The following GJC1 variants were observed in gnomAD, a reference collection of about 807,000 sequenced individuals.
GJC1 encodes the protein gap junction gamma-1 protein.
GJC1 carries 5 observed loss-of-function variants against 29.3 expected under a neutral mutation model. The ratio of observed to expected loss-of-function variants is 0.17; its 90% CI spans 0.09 to 0.36. The LOEUF (loss-of-function observed/expected upper bound fraction) is 0.36. GJC1 is among the 10% of genes least tolerant of loss of function. The pLI is 1.00. For synonymous variants in GJC1, 177 were observed against 183.3 expected (o/e 0.97, Z 0.28); for missense variants, 310 against 496.2 (o/e 0.62, Z 3.56).
At chr17:44,810,605 A>T (rs901307534) in intron 1 of GJC1, among the ~76,000 whole-genome samples, 1 of 152,108 alleles carries the variant, frequency 6.6e-6, no homozygotes, top group Admixed American at 6.6e-5. Context: ...TCTTGACCAC[A>T]AAATGTTGAG....
At chr17:44,824,618 G>A (rs945289643) in intron 1 of GJC1, among the ~76,000 whole-genome samples, 1 of 151,770 alleles carries the variant, frequency 6.6e-6, no homozygotes, top group Non-Finnish European at 1.5e-5. Context: ...ACACAGTGAG[G>A]CTCTGTCTCA....
downstream of GJC1, among the ~76,000 whole-genome samples, chr17:44,796,190 G>A (rs2049782375): frequency 6.6e-6 from 1 of 152,204 alleles, no homozygotes; most frequent in Non-Finnish European, 1.5e-5. Context: ...TAGGTCCGTG[G>A]GGGTGGAGCC....
downstream of GJC1, among the ~76,000 whole-genome samples, chr17:44,796,840 T>C (rs1266027485): frequency 1.3e-5 from 2 of 150,338 alleles, no homozygotes; most frequent in African/African-American, 4.9e-5. Context: ...CACACACACG[T>C]ATATATATAG....
intron 2 of GJC1, among the ~76,000 whole-genome samples, chr17:44,807,128 T>C (rs2049921807): frequency 6.6e-6 from 1 of 152,216 alleles, no homozygotes; most frequent in Admixed American, 6.6e-5. Flanking sequence ...AAATGATTGC[T>C]AAACTGAACT....
At chr17:44,829,024 T>C (rs1246340500) in intron 1 of GJC1, among the ~76,000 whole-genome samples, 1 of 150,994 alleles carries the variant, frequency 6.6e-6, no homozygotes, top group Non-Finnish European at 1.5e-5. Context: ...GACACAAACA[T>C]ATAACAAATT....
intron 1 of GJC1, among the ~76,000 whole-genome samples, chr17:44,814,240 A>G (rs917252658): frequency 6.6e-6 from 1 of 151,942 alleles, no homozygotes; most frequent in Non-Finnish European, 1.5e-5. Flanking sequence ...TCCCAGGTTC[A>G]TGCCATTCTC....
chr17:44,805,538 A>G lies in GJC1; in HGVS notation c.280T>C (p.Tyr94His). ...VATPSVMYLG[Y>H]AIHKIAKMEH... Reference sequence around the variant, plus strand: ...ATTTTGGCAATCTTGTGGATAGCATAGCCCAGGTACATCACAGAGGGAGTT... The same window carrying G: ...ATTTTGGCAATCTTGTGGATAGCATGGCCCAGGTACATCACAGAGGGAGTT... The change falls in exon 3 of 3, where the codon TAT becomes CAT. Residue 94 changes from tyrosine (Y) to histidine (H), a missense_variant. Physicochemically the swap from Tyr to His is moderately conservative, Grantham distance 83. This residue lies in a region of GJC1 where 82 missense variants were observed against 100.7 expected (regional missense o/e 0.81). Coordinates refer to ENST00000592524, the MANE Select transcript of GJC1 (RefSeq NM_005497.4). The surrounding 1 kb of genome is among the most constrained non-coding windows in gnomAD (Gnocchi z 5.1). 3 of 1,614,216 alleles carry G rather than the reference A, an allele frequency of 1.9e-6. No individual in the cohort carries two copies.
intron 1 of GJC1, among the ~76,000 whole-genome samples, chr17:44,821,714 A>C (rs1457020330): frequency 1.1e-4 from 16 of 148,834 alleles, no homozygotes; most frequent in African/African-American, 1.5e-4. Context: ...AAAAAAAAAA[A>C]AAAAAAAAAA....
intron 1 of GJC1, among the ~76,000 whole-genome samples, chr17:44,809,035 G>A (rs2049944210): frequency 6.6e-6 from 1 of 152,152 alleles, no homozygotes; most frequent in Non-Finnish European, 1.5e-5. Context: ...AGCTGAGATT[G>A]TGCCATTGCA....
rs1421352585 is a variant in GJC1, at chr17:44,805,806, G to A, written c.12C>T (p.Ser4=). ...TCTCCTCTAGCAGGCGAGTCAGGAA[G>A]CTCCAACTCATGGTGATTGAATTGG... MSW[S]FLTRLLEEIH... is the part of the protein sequence containing the mutation. Residue 4 remains serine, a synonymous_variant, in exon 3 of 3, where the codon AGC becomes AGT. Transcript: ENST00000592524. The surrounding 1 kb of genome is among the most constrained non-coding windows in gnomAD (Gnocchi z 5.1). 1 of 1,604,930 alleles carries A rather than the reference G, an allele frequency of 6.2e-7. No homozygotes were observed. Among genetic ancestry groups the A allele is most frequent in the Non-Finnish European group, 8.5e-7 (1 of 1,173,378 alleles).
intron 1 of GJC1, among the ~76,000 whole-genome samples, chr17:44,814,866 C>T (rs1271541648): frequency 3.3e-5 from 5 of 151,544 alleles, no homozygotes; most frequent in African/African-American, 1.2e-4. Context: ...CACTTGAACC[C>T]GGGGGGCGGA....
At position 44,804,841 on chromosome 17, in the gene GJC1, C is replaced by T; in HGVS notation, c.977G>A (p.Ser326Asn). The T allele has an allele frequency of 6.2e-7, 1 of 1,614,210 alleles. No individual in the cohort carries two copies. The highest frequency in any genetic ancestry group is 8.5e-7 in the Non-Finnish European group (1 of 1,180,036). Residue 326 changes from serine to asparagine, a missense_variant, in exon 3 of 3, where the codon AGC becomes AAC. Coordinates refer to ENST00000592524, the MANE Select transcript of GJC1 (RefSeq NM_005497.4). ...GTCAGCTGGGAGGTTCTCCTCATGG[C>T]TGCCATACTGCTGTTCCTGGGCTGT... is the stretch of plus-strand genomic sequence containing the variant. ...ANTAQEQQYG[S>N]HEENLPADLE... is the part of the protein sequence containing the mutation.
rs779720828 is a variant in GJC1, at chr17:44,804,597, T to A, written c.*30A>T. On this transcript the variant is annotated 3_prime_UTR_variant, in exon 3 of 3. Transcript: ENST00000592524. ...GTGAGCTGCTGCTTACCATAAACTA[T>A]GAAAAGCACAGGTTTTAAGCCCGCC... 3 of 1,510,688 alleles carry A rather than the reference T, an allele frequency of 2.0e-6. No individual in the cohort carries two copies. Among genetic ancestry groups the A allele is most frequent in the Admixed American group, 1.8e-5 (1 of 55,754 alleles). 93.6% of individuals were successfully genotyped at this position (1,510,688 alleles called of 1,614,324 possible). A position where few individuals can be genotyped will look rare whatever the true frequency, so the allele number is the denominator to read the frequency against.
chr17:44,821,748 A>G (rs2050111330), intron 1 of GJC1, among the ~76,000 whole-genome samples: 1 of 150,524 alleles, frequency 6.6e-6, no homozygotes, highest in East Asian at 1.9e-4. Context: ...ACCAACACCC[A>G]TACCATCATA....
rs1567707133 is a variant in GJC1 at position 44,805,284 on chromosome 17, C to G, written c.534G>C (p.Val178=). 6.2e-7 allele frequency: 1 copy of G among 1,614,192 alleles called. No individual in the cohort carries two copies. The highest frequency in any genetic ancestry group is 8.5e-7 in the Non-Finnish European group (1 of 1,180,028). Residue 178 remains valine (V), a synonymous_variant, in exon 3 of 3, where the codon GTG becomes GTC. Transcript: ENST00000592524. The surrounding 1 kb of genome is among the most constrained non-coding windows in gnomAD (Gnocchi z 5.1). The part of the protein sequence containing the change: ...IREDGLMKIY[V]LQLLARTVFE... The stretch of plus-strand genomic sequence containing the variant: ...ACACGGTCCTTGCCAGCAACTGCAG[C>G]ACATAGATTTTCATGAGCCCATCTT...
In GJC1 at chr17:44,805,503, A is replaced by T; in HGVS notation, c.315T>A (p.Gly105=). 6 of 1,614,112 alleles carry T rather than the reference A, an allele frequency of 3.7e-6. No homozygotes were observed. The highest frequency in any genetic ancestry group is 5.1e-6 in the Non-Finnish European group (6 of 1,180,028). Residue 105 remains glycine (G), a synonymous_variant, in exon 3 of 3, where the codon GGT becomes GGA. Coordinates refer to ENST00000592524, the MANE Select transcript of GJC1 (RefSeq NM_005497.4). The surrounding 1 kb of genome is among the most constrained non-coding windows in gnomAD (Gnocchi z 5.1). The part of the protein sequence containing the change: ...AIHKIAKMEH[G]EADKKAARSK... ...TCCGAGCTGCCTTCTTGTCTGCTTC[A>T]CCGTGCTCCATTTTGGCAATCTTGT... is the stretch of plus-strand genomic sequence containing the variant.
chr17:44,809,514 C>A (rs1236769902), intron 1 of GJC1, among the ~76,000 whole-genome samples: 1 of 151,526 alleles, frequency 6.6e-6, no homozygotes, highest in Admixed American at 6.6e-5. Context: ...TATGAAAATA[C>A]AATTAGTTAG....
chr17:44,810,084 G>A (rs1430831406), intron 1 of GJC1, among the ~76,000 whole-genome samples: 4 of 149,238 alleles, frequency 2.7e-5, no homozygotes, highest in African/African-American at 5.0e-5. Context: ...AGATGGTCTC[G>A]ATCTCCTGAC....
rs918976209 is a variant in GJC1 at position 44,798,481 on chromosome 17, A to G, written c.*6146T>C. On this transcript the variant is annotated 3_prime_UTR_variant, in exon 3 of 3. Transcript: ENST00000592524. ...CAAAACTGTATTTGGAATTGACAAA[A>G]TCTTCCTAGAGACAAGGCCCTGAGC... 1.3e-5 allele frequency: 2 copies of G among 152,204 alleles called. No individual in the cohort carries two copies. Among genetic ancestry groups the G allele is most frequent in the Non-Finnish European group, 2.9e-5 (2 of 68,028 alleles). The allele number at this position is 152,204 out of a possible 1,614,324, so 9.4% of individuals were successfully genotyped here.
Sources: allele counts gnomAD v4.1 joint callset (sites outside exome capture counted in the v4.1 genomes callset), GRCh38; gene constraint gnomAD v4.1.1; regional missense constraint gnomAD v4.1.1; non-coding constraint Gnocchi (gnomAD v3.1); transcripts MANE v1.5; gene names NCBI Gene and HGNC (gene_info 2026-07-23, HGNC 2026-07-21).